RFTN2: variants seen among roughly 807,000 people sequenced by gnomAD.
The protein encoded by RFTN2 is raftlin-2.
In RFTN2, 34 loss-of-function variants were observed where a neutral mutation model predicts 52.7. The observed-to-expected ratio is 0.64, with a 90% confidence interval of 0.49 to 0.86. The LOEUF (loss-of-function observed/expected upper bound fraction) is 0.86. RFTN2 is among the 40% of genes least tolerant of loss of function. The pLI is 0.00. For missense variants in RFTN2, 536 were observed against 600.1 expected, an observed-to-expected ratio of 0.89 and a Z score of 1.12; for synonymous variants, 203 against 217.7, an observed-to-expected ratio of 0.93 and a Z score of 0.59.
intron 5 of RFTN2, among the ~76,000 whole-genome samples, chr2:197,622,786 A>G (rs1268420477): frequency 6.6e-6 from 1 of 152,196 alleles, no homozygotes; most frequent in African/African-American, 2.4e-5. Context: ...CTCATTTACT[A>G]TTCCAAAAAT....
At chr2:197,635,231 T>A (rs199718686) in intron 3 of RFTN2, among the ~76,000 whole-genome samples, 2 of 151,700 alleles carry the variant, frequency 1.3e-5, no homozygotes, top group Non-Finnish European at 2.9e-5. Flanking sequence ...GCATGATTTA[T>A]AGTCCTTTGG....
intron 1 of RFTN2, among the ~76,000 whole-genome samples, chr2:197,661,736 C>T (rs1269270807): frequency 1.3e-5 from 2 of 152,160 alleles, no homozygotes; most frequent in African/African-American, 4.8e-5. Context: ...AGTGGTTTTA[C>T]TAATTTACAT....
intron 5 of RFTN2, among the ~76,000 whole-genome samples, chr2:197,618,484 T>C (rs1407180800): frequency 2.0e-5 from 3 of 151,972 alleles, no homozygotes; most frequent in Admixed American, 6.5e-5. Context: ...AGTGCCGAGA[T>C]TGCAGCCTCT....
intron 7 of RFTN2, among the ~76,000 whole-genome samples, chr2:197,609,441 G>C (rs1559347735): frequency 6.6e-6 from 1 of 152,226 alleles, no homozygotes; most frequent in Non-Finnish European, 1.5e-5. Context: ...CTTTTGAGAA[G>C]TGTCTGTTCA....
intron 1 of RFTN2, among the ~76,000 whole-genome samples, chr2:197,659,927 TAAC>T (rs2088954223): frequency 1.3e-5 from 2 of 152,198 alleles, no homozygotes; most frequent in African/African-American, 2.4e-5. Flanking sequence ...ATAAGTAACA[TAAC>T]AAGTGCATAT....
chr2:197,586,560 A>C (rs1424531082), intron 8 of RFTN2, among the ~76,000 whole-genome samples: 5 of 152,212 alleles, frequency 3.3e-5, no homozygotes, highest in Admixed American at 3.3e-4. Flanking sequence ...TGCAAATGGG[A>C]CGGAAGAGCT....
At position 197,609,938 on chromosome 2, in the gene RFTN2, G is replaced by A. The variant is rs202018819; in HGVS notation, c.1154+5938C>T. Among the ~76,000 whole-genome samples the A allele has an allele frequency of 6.6e-5, 10 of 152,268 alleles. No homozygotes were observed. In the East Asian group the frequency reaches 1.9e-3, roughly 29 times the overall value. ...GATCAGATGGTTGTAGATGTGTGGT[G>A]TTATTTCTAAGGCCTCTGTTCTGTT... On this transcript the variant is annotated intron_variant, in intron 7 of 8. Coordinates refer to ENST00000295049, the MANE Select transcript of RFTN2 (RefSeq NM_144629.3).
chr2:197,574,820 A>T lies in RFTN2; in HGVS notation c.1234-2540T>A, dbSNP rs916394398. Among the ~76,000 whole-genome samples the T allele has an allele frequency of 3.3e-5, 5 of 152,330 alleles. No individual in the cohort carries two copies. The East Asian group carries it at 5.8e-4, about 18-fold the overall frequency. ...GAGGTGGAGGTTGCAGTGAGCCAAG[A>T]TCACACCAATGCACTCTAGCCTGGG... is the stretch of plus-strand genomic sequence containing the variant. On this transcript the variant is annotated intron_variant, in intron 8 of 8. Coordinates refer to ENST00000295049, the MANE Select transcript of RFTN2 (RefSeq NM_144629.3).
At chr2:197,602,313 T>C (rs2087892613) in intron 7 of RFTN2, among the ~76,000 whole-genome samples, 1 of 152,140 alleles carries the variant, frequency 6.6e-6, no homozygotes, top group Non-Finnish European at 1.5e-5. Flanking sequence ...TCAGGTGATC[T>C]GTCTGCCTTG....
chr2:197,645,588 G>T (rs1463363197), intron 2 of RFTN2, among the ~76,000 whole-genome samples: 1 of 152,176 alleles, frequency 6.6e-6, no homozygotes, highest in Non-Finnish European at 1.5e-5. Flanking sequence ...TGGCAAAAAT[G>T]GTTGCAGTAT....
At chr2:197,577,338 G>T (rs2087435011) in intron 8 of RFTN2, among the ~76,000 whole-genome samples, 1 of 152,156 alleles carries the variant, frequency 6.6e-6, no homozygotes, top group African/African-American at 2.4e-5. Flanking sequence ...CTCAACAATG[G>T]CCCACCTTCG....
intron 1 of RFTN2, among the ~76,000 whole-genome samples, chr2:197,648,252 C>G (rs1340958941): frequency 6.6e-6 from 1 of 152,188 alleles, no homozygotes; most frequent in Non-Finnish European, 1.5e-5. Flanking sequence ...ACGCCAACTT[C>G]AAAAACTAAA....
At chr2:197,578,225 T>G (rs1253853519) in intron 8 of RFTN2, among the ~76,000 whole-genome samples, 1 of 152,160 alleles carries the variant, frequency 6.6e-6, no homozygotes, top group Non-Finnish European at 1.5e-5. Context: ...TTAATAAAAA[T>G]GGGATGCTCT....
intron 1 of RFTN2, among the ~76,000 whole-genome samples, chr2:197,664,444 C>G (rs1333596010): frequency 1.3e-5 from 2 of 149,280 alleles, no homozygotes; most frequent in Admixed American, 6.8e-5. Context: ...CCACTGTACT[C>G]CGGCCTGGAA....
intron 1 of RFTN2, among the ~76,000 whole-genome samples, chr2:197,673,250 C>T (rs762467209): frequency 1.1e-4 from 16 of 152,162 alleles, no homozygotes; most frequent in East Asian, 1.9e-4. Flanking sequence ...ACAGAATTAC[C>T]GGTGCCAAAC....
chr2:197,652,587 G>A (rs1246739975), intron 1 of RFTN2, among the ~76,000 whole-genome samples: 2 of 152,012 alleles, frequency 1.3e-5, no homozygotes, highest in African/African-American at 4.8e-5. Flanking sequence ...TTTTGCCATG[G>A]GTAAAAACTA....
At chr2:197,616,274 A>ATTTATTTTTTT (rs879732758) in intron 6 of RFTN2, among the ~76,000 whole-genome samples, 1 of 116,588 alleles carries the variant, frequency 8.6e-6, no homozygotes, top group Non-Finnish European at 1.8e-5. Context: ...TCTGCATTTT[A>ATTTATTTTTTT]TTTTATTTTA....
chr2:197,599,953 G>A (rs1293380076), intron 7 of RFTN2, among the ~76,000 whole-genome samples: 1 of 152,132 alleles, frequency 6.6e-6, no homozygotes, highest in Non-Finnish European at 1.5e-5. Context: ...CTGCCTTTCG[G>A]GTTCAAGGGA....
intron 5 of RFTN2, among the ~76,000 whole-genome samples, chr2:197,619,362 G>A (rs1382079074): frequency 2.6e-5 from 4 of 152,310 alleles, no homozygotes; most frequent in South Asian, 2.1e-4. Flanking sequence ...GTAGAAAGAG[G>A]TAGACATGGG....
Sources: allele counts gnomAD v4.1 joint callset (sites outside exome capture counted in the v4.1 genomes callset), GRCh38; gene constraint gnomAD v4.1.1; transcripts MANE v1.5; gene names NCBI Gene and HGNC (gene_info 2026-07-23, HGNC 2026-07-21).